The following CUL3 variants were observed in gnomAD, a reference collection of about 807,000 sequenced individuals.
The protein encoded by CUL3 is cullin 3.
Under a neutral mutation model 89.1 loss-of-function variants are expected in CUL3, and 19 were observed. The observed-to-expected ratio is 0.21, with a 90% CI of 0.15 to 0.31. CUL3 has a LOEUF of 0.31. Among genes scored for constraint, CUL3 ranks in the 10% least tolerant of loss-of-function variants. The pLI, the probability that CUL3 is intolerant of heterozygous loss-of-function variation, is 1.00. For missense variants in CUL3, 469 were observed against 942.3 expected (o/e 0.50, Z 6.58); for synonymous variants, 351 against 308.4 (o/e 1.14, Z -1.45).
rs1695256197 is a variant in CUL3, at chr2:224,574,528, C to T, written c.66+10416G>A. 2.0e-5 allele frequency among the ~76,000 whole-genome samples: 3 copies of T among 152,226 alleles called. No homozygotes were observed. In the South Asian group the frequency reaches 6.2e-4, roughly 32 times the overall value. On this transcript the variant is annotated intron_variant, in intron 1 of 15. Transcript: ENST00000264414. ...GCATTTCTTAAAATGAAATCTTTTA[C>T]AGAACCCCATATACAAATGGTAACA... is the stretch of plus-strand genomic sequence containing the variant.
rs1323366532 is a variant in CUL3, at chr2:224,584,988, T to G, written c.22A>C (p.Thr8Pro). ...ATCTTGGTGTCCTTCCGGCTGCCCG[T>G]GCCTTTGCTCAGATTCGACATGGTG... MSNLSKG[T>P]GSRKDTKMRI... Residue 8 changes from threonine to proline, a missense_variant, in exon 1 of 16, where the codon ACG (threonine) becomes CCG (proline). By Grantham distance (38) the Thr-to-Pro change is conservative. Transcript: ENST00000264414. 4 of 1,508,946 alleles carry G rather than the reference T, an allele frequency of 2.7e-6. No homozygotes were observed. The Admixed American group carries it at 5.6e-5, about 21-fold the overall frequency. 93.5% of individuals were successfully genotyped at this position (1,508,946 alleles called of 1,614,324 possible). A position where few individuals can be genotyped will look rare whatever the true frequency, so the allele number is the denominator to read the frequency against.
chr2:224,488,688 G>C (rs1319155456), intron 13 of CUL3, among the ~76,000 whole-genome samples: 1 of 152,146 alleles, frequency 6.6e-6, no homozygotes, highest in African/African-American at 2.4e-5. Context: ...GAAGTACAAA[G>C]AGGAGCTGGT....
At chr2:224,480,540 A>G (rs1430396528) in intron 14 of CUL3, among the ~76,000 whole-genome samples, 1 of 152,198 alleles carries the variant, frequency 6.6e-6, no homozygotes, top group East Asian at 1.9e-4. Flanking sequence ...TACACACATA[A>G]GTGTGCACAC....
At position 224,489,999 on chromosome 2, in the gene CUL3, A is replaced by AAT. The variant is rs1405603423; in HGVS notation, c.1842+5831_1842+5832dup. 3.9e-5 allele frequency among the ~76,000 whole-genome samples: 6 copies of AAT among 152,356 alleles called. No homozygotes were observed. The East Asian group carries it at 1.2e-3, about 29-fold the overall frequency. Reference sequence around the variant, plus strand: ...CCAGAATCTACAAGGAACTTAAGCAAATTTACAAGAAAAAAAGAACCCCAT... The same window carrying AAT: ...CCAGAATCTACAAGGAACTTAAGCAAATATTTACAAGAAAAAAAGAACCCCAT... On this transcript the variant is annotated intron_variant, in intron 13 of 15. Transcript: ENST00000264414.
intron 11 of CUL3, chr2:224,499,900 T>G (rs1189205075): frequency 1.9e-5 from 3 of 156,578 alleles, no homozygotes; most frequent in African/African-American, 4.8e-5. Flanking sequence ...CTTTCTCTGT[T>G]TTTTTCTTGC....
intron 11 of CUL3, among the ~76,000 whole-genome samples, chr2:224,498,668 A>C (rs1692262356): frequency 6.6e-6 from 1 of 152,196 alleles, no homozygotes; most frequent in Non-Finnish European, 1.5e-5. Context: ...GCATGTCTAA[A>C]GTGTTATACT....
intron 14 of CUL3, among the ~76,000 whole-genome samples, chr2:224,480,782 G>A (rs78473514): frequency 0.028 from 4,247 of 152,180 alleles, 82 homozygotes; most frequent in African/African-American, 0.037. Context: ...AATGTATAAA[G>A]TAGTTATGTC....
At chr2:224,483,088 A>G (rs956719746) in intron 13 of CUL3, among the ~76,000 whole-genome samples, 1 of 152,192 alleles carries the variant, frequency 6.6e-6, no homozygotes, top group Non-Finnish European at 1.5e-5. Flanking sequence ...ACACATATTC[A>G]TTTTCTTCAA....
At chr2:224,575,225 A>C (rs1574708489) in intron 1 of CUL3, among the ~76,000 whole-genome samples, 2 of 152,212 alleles carry the variant, frequency 1.3e-5, no homozygotes, top group East Asian at 3.8e-4. Context: ...GAGATAGCTT[A>C]AGGACAATGA....
At chr2:224,544,908 C>T (rs761037863) in intron 2 of CUL3, among the ~76,000 whole-genome samples, 5 of 152,036 alleles carry the variant, frequency 3.3e-5, no homozygotes, top group Non-Finnish European at 7.4e-5. Flanking sequence ...GCTATTTTTA[C>T]AGAAGTCATA....
At chr2:224,554,222 T>C (rs1343129931) in intron 2 of CUL3, among the ~76,000 whole-genome samples, 2 of 152,216 alleles carry the variant, frequency 1.3e-5, no homozygotes, top group Admixed American at 1.3e-4. Flanking sequence ...TCTTCTGCAC[T>C]TGCCAATTCC....
intron 2 of CUL3, among the ~76,000 whole-genome samples, chr2:224,544,386 AC>A (rs1194583828): frequency 1.1e-4 from 16 of 152,200 alleles, no homozygotes; most frequent in African/African-American, 3.9e-4. Context: ...AAAGCATGCA[AC>A]ATTTACTATG....
chr2:224,494,581 A>G (rs981714620), intron 13 of CUL3, among the ~76,000 whole-genome samples: 1 of 152,230 alleles, frequency 6.6e-6, no homozygotes, highest in East Asian at 1.9e-4. Context: ...CAGACAGCAT[A>G]AAAATAGACC....
intron 6 of CUL3, among the ~76,000 whole-genome samples, chr2:224,509,014 A>AATAATCAATCCAATTTATCCTCC (rs1692713235): frequency 6.6e-6 from 1 of 151,772 alleles, no homozygotes; most frequent in Admixed American, 6.6e-5. Flanking sequence ...ATCTGCATCT[A>AATAATCAATCCAATTTATCCTCC]ATAATCAATC....
chr2:224,511,610 T>A (rs768077016), intron 5 of CUL3, 28 bp from the exon 6 acceptor site: 1 of 1,277,952 alleles, frequency 7.8e-7, no homozygotes, highest in Non-Finnish European at 1.1e-6. Flanking sequence ...ATATATTTTT[T>A]AAACATAGAA....
rs202117026 is a variant in CUL3, at chr2:224,480,485, TTC to T, written c.2029+1405_2029+1406del. ...CTAGTGAAATTCATCATATATATAT[TTC>T]TGTTTTGAACATACCTAAAACACTA... On this transcript the variant is annotated intron_variant, in intron 14 of 15. Transcript: ENST00000264414. 4.5e-3 allele frequency among the ~76,000 whole-genome samples: 685 copies of T among 152,320 alleles called. 21 individuals carry two copies. The highest frequency in any genetic ancestry group is 0.027 in the Admixed American group (413 of 15,296).
intron 3 of CUL3, among the ~76,000 whole-genome samples, chr2:224,525,977 G>C (rs1388702871): frequency 6.6e-6 from 1 of 152,200 alleles, no homozygotes; most frequent in Non-Finnish European, 1.5e-5. Context: ...CCTTGAAACT[G>C]CACAAAGTAT....
chr2:224,509,155 T>C (rs1179995061), intron 6 of CUL3, among the ~76,000 whole-genome samples: 1 of 152,308 alleles, frequency 6.6e-6, no homozygotes, highest in South Asian at 2.1e-4. Flanking sequence ...GAGCAGGGCC[T>C]ACCACAATTA....
At chr2:224,574,000 T>A (rs1441472880) in intron 1 of CUL3, among the ~76,000 whole-genome samples, 1 of 152,096 alleles carries the variant, frequency 6.6e-6, no homozygotes, top group African/African-American at 2.4e-5. Context: ...CACCATTACT[T>A]TGGAGAGGAC....
Sources: allele counts gnomAD v4.1 joint callset (sites outside exome capture counted in the v4.1 genomes callset), GRCh38; gene constraint gnomAD v4.1.1; transcripts MANE v1.5; gene names NCBI Gene and HGNC (gene_info 2026-07-23, HGNC 2026-07-21).